The following COP1 variants were observed in gnomAD, a reference collection of about 807,000 sequenced individuals.
The protein encoded by COP1 is COP1 E3 ubiquitin ligase, also known as E3 ubiquitin-protein ligase COP1.
COP1 carries 24 observed loss-of-function variants against 101.3 expected under a neutral mutation model. The observed-to-expected ratio is 0.24, with a 90% CI of 0.17 to 0.33. The LOEUF (loss-of-function observed/expected upper bound fraction) is 0.33, where lower values mean the gene tolerates loss of function less well. COP1 is among the 10% of genes least tolerant of loss of function. The probability of loss-of-function intolerance (pLI) is 1.00; values close to 1 mark genes in which losing one functional copy is unlikely to be tolerated. For synonymous variants in COP1, 347 were observed against 341.9 expected (o/e 1.01, Z -0.17); for missense variants, 663 against 906.2 (o/e 0.73, Z 3.45).
intron 15 of COP1, among the ~76,000 whole-genome samples, chr1:175,998,949 A>G (rs559162137): frequency 1.3e-5 from 2 of 152,188 alleles, no homozygotes; most frequent in Admixed American, 1.3e-4. Context: ...TGTTAATGAT[A>G]AAGATATGCT....
chr1:176,197,006 G>T (rs813180), intron 1 of COP1, among the ~76,000 whole-genome samples: 1 of 151,958 alleles, frequency 6.6e-6, no homozygotes, highest in Non-Finnish European at 1.5e-5. Flanking sequence ...GGGTTAAATT[G>T]TATTTCCATC....
chr1:176,104,518 A>G (rs1395197418), intron 9 of COP1, among the ~76,000 whole-genome samples: 1 of 152,164 alleles, frequency 6.6e-6, no homozygotes, highest in Non-Finnish European at 1.5e-5. Context: ...CTACTCACTA[A>G]TAAGTATATT....
intron 3 of COP1, 121 bp from the exon 4 acceptor site, chr1:176,164,012 G>C: frequency 1.8e-6 from 1 of 554,700 alleles, no homozygotes; most frequent in Non-Finnish European, 3.2e-6. Context: ...TTCAAAACAT[G>C]CTAAACAGAA....
Position 176,204,713 on chromosome 1 carries a change from C to T in COP1, c.407+1859G>A, listed in dbSNP as rs796783618. ...CCGAGGCGAGCAGATCACCTGAGGT[C>T]AGGAGTTCAAGACCTGCCTGGCCAA... On this transcript the variant is annotated intron_variant, in intron 1 of 19. Transcript: ENST00000367669. Among the ~76,000 whole-genome samples the T allele has an allele frequency of 8.5e-5, 13 of 152,308 alleles. 1 individual carries two copies. The highest frequency in any genetic ancestry group is 2.9e-4 in the African/African-American group (12 of 41,584).
At chr1:176,085,552 C>T (rs181666198) in intron 10 of COP1, among the ~76,000 whole-genome samples, 1 of 152,054 alleles carries the variant, frequency 6.6e-6, no homozygotes. Flanking sequence ...CTTTATCTAG[C>T]TTGCCATATA....
rs573376097 is a variant in COP1, at chr1:176,080,076, C to T, written c.1277+1076G>A. 1.7e-4 allele frequency among the ~76,000 whole-genome samples: 26 copies of T among 151,374 alleles called. No individual in the cohort carries two copies. The East Asian group carries it at 5.0e-3, about 29-fold the overall frequency. On this transcript the variant is annotated intron_variant, in intron 11 of 19. Transcript: ENST00000367669. ...AGTAACAGCCTCAGTAATCATGGGT[C>T]GAAGAGAAAAATCAAAATGGAAATT...
intron 18 of COP1, among the ~76,000 whole-genome samples, chr1:175,948,047 ACTAT>A (rs1232848045): frequency 2.6e-5 from 4 of 152,226 alleles, no homozygotes; most frequent in Admixed American, 6.5e-5. Flanking sequence ...GGGAAAAAGG[ACTAT>A]CTTTCTTTTT....
intron 1 of COP1, among the ~76,000 whole-genome samples, chr1:176,191,130 C>T (rs1699077822): frequency 6.6e-6 from 1 of 151,876 alleles, no homozygotes; most frequent in African/African-American, 2.4e-5. Context: ...TACTCTAAAC[C>T]TCATAATCTT....
intron 7 of COP1, 66 bp downstream of exon 7, chr1:176,136,422 T>C: frequency 3.7e-6 from 4 of 1,084,138 alleles, no homozygotes; most frequent in East Asian, 2.4e-5. Context: ...AGCAACTTAA[T>C]GGAAAGGTGA....
At chr1:176,063,648 G>A (rs1675381037) in intron 11 of COP1, among the ~76,000 whole-genome samples, 1 of 152,130 alleles carries the variant, frequency 6.6e-6, no homozygotes, top group Non-Finnish European at 1.5e-5. Context: ...CATCATTAGT[G>A]GTAGAAAAAC....
intron 15 of COP1, among the ~76,000 whole-genome samples, chr1:176,026,270 A>G (rs990804518): frequency 6.6e-6 from 1 of 152,076 alleles, no homozygotes; most frequent in Admixed American, 6.5e-5. Flanking sequence ...GATGGCCAGT[A>G]TGTTTATAAA....
chr1:176,117,575 T>C (rs1686411966), intron 8 of COP1, among the ~76,000 whole-genome samples: 1 of 152,216 alleles, frequency 6.6e-6, no homozygotes, highest in South Asian at 2.1e-4. Context: ...TTACTTTTTG[T>C]AAATTCTTCT....
Position 175,954,943 on chromosome 1 carries a change from A to AC in COP1, c.2134-7705_2134-7704insG, listed in dbSNP as rs577488584. 2.6e-3 allele frequency among the ~76,000 whole-genome samples: 394 copies of AC among 151,886 alleles called. 4 individuals are homozygous for AC. The highest frequency in any genetic ancestry group is 9.2e-3 in the African/African-American group (377 of 41,186). On this transcript the variant is annotated intron_variant, in intron 18 of 19. Transcript: ENST00000367669. ...CAACATTAAAAAATATATATATATA[A>AC]TTCACTATGTAAAGAGAATAGAAAA...
rs192380428 is a variant in COP1 at position 175,996,181 on chromosome 1, T to C, written c.1730-6702A>G. Among the ~76,000 whole-genome samples the C allele has an allele frequency of 9.7e-4, 147 of 152,282 alleles. 1 individual carries two copies. The highest frequency in any genetic ancestry group is 3.1e-3 in the African/African-American group (130 of 41,566). The stretch of plus-strand genomic sequence containing the variant: ...ACCTCAATAGATGCAGAAAAGGCCT[T>C]TGACAAAATTCAACAACCCTTTGTG... On this transcript the variant is annotated intron_variant, in intron 15 of 19. Transcript: ENST00000367669.
chr1:176,008,933 C>A (rs560126176), intron 15 of COP1, among the ~76,000 whole-genome samples: 1 of 152,276 alleles, frequency 6.6e-6, no homozygotes, highest in South Asian at 2.1e-4. Context: ...ATGCTTTGCA[C>A]GATTTGTGTG....
rs1044147295 is a variant in COP1 at position 176,070,490 on chromosome 1, C to T, written c.1277+10662G>A. On this transcript the variant is annotated intron_variant, in intron 11 of 19. Coordinates refer to ENST00000367669, the MANE Select transcript of COP1 (RefSeq NM_022457.7). Reference sequence around the variant, plus strand: ...CAGCCTGGCCAACATGGCGAAACCCCGTCTCTACTAAAAATACAAAAATCA... The same window carrying T: ...CAGCCTGGCCAACATGGCGAAACCCTGTCTCTACTAAAAATACAAAAATCA... Among the ~76,000 whole-genome samples the T allele has an allele frequency of 1.6e-4, 25 of 151,912 alleles. 2 individuals are homozygous for T. Among genetic ancestry groups the T allele is most frequent in the Admixed American group, 9.2e-4 (14 of 15,228 alleles).
chr1:175,972,018 GTGGCTCCAA>G (rs1012055244), intron 18 of COP1, among the ~76,000 whole-genome samples: 2 of 152,100 alleles, frequency 1.3e-5, no homozygotes, highest in African/African-American at 4.8e-5. Flanking sequence ...ATTTCCACCG[GTGGCTCCAA>G]GATTGGATGT....
At chr1:175,992,552 G>A (rs7537480) in intron 15 of COP1, among the ~76,000 whole-genome samples, 103,910 of 152,202 alleles carry the variant, frequency 0.68, 36,927 homozygotes, top group East Asian at 0.92. Context: ...CTAATACTGC[G>A]CTTTACCGAC....
intron 15 of COP1, among the ~76,000 whole-genome samples, chr1:175,998,253 T>G (rs556344324): frequency 6.6e-6 from 1 of 150,758 alleles, no homozygotes; most frequent in Non-Finnish European, 1.5e-5. Context: ...TAGGTGGGAA[T>G]TGAACAATGA....
Sources: allele counts gnomAD v4.1 joint callset (sites outside exome capture counted in the v4.1 genomes callset), GRCh38; gene constraint gnomAD v4.1.1; transcripts MANE v1.5; gene names NCBI Gene and HGNC (gene_info 2026-07-23, HGNC 2026-07-21).